ANGPT2: variants seen among roughly 807,000 people sequenced by gnomAD.
The protein encoded by ANGPT2 is angiopoietin 2.
ANGPT2 carries 28 observed loss-of-function variants against 62.9 expected under a neutral mutation model. That is an observed-to-expected ratio of 0.44 (90% confidence interval 0.33 to 0.61). The LOEUF (loss-of-function observed/expected upper bound fraction) is 0.61, where lower values mean the gene tolerates loss of function less well. ANGPT2 is among the 20% of genes least tolerant of loss of function. ANGPT2 has a pLI of 0.03. For synonymous variants in ANGPT2, 284 were observed against 207.8 expected, an observed-to-expected ratio of 1.37 and a Z score of -3.15; for missense variants, 727 against 594.9, an observed-to-expected ratio of 1.22 and a Z score of -2.31.
chr8:6,505,333 AGAAAG>A (rs1813247908), intron 8 of ANGPT2, among the ~76,000 whole-genome samples: 1 of 55,080 alleles, frequency 1.8e-5, no homozygotes, highest in Non-Finnish European at 3.1e-5. Flanking sequence ...ATATACATAT[AGAAAG>A]AATATATATA....
At chr8:6,538,977 G>A (rs1821007378) in intron 1 of ANGPT2, among the ~76,000 whole-genome samples, 1 of 152,324 alleles carries the variant, frequency 6.6e-6, no homozygotes, top group Admixed American at 6.5e-5. Context: ...GAGGTCTCCA[G>A]ACAGAAAAGT....
At chr8:6,510,968 C>T (rs1310117836) in intron 7 of ANGPT2, among the ~76,000 whole-genome samples, 2 of 152,194 alleles carry the variant, frequency 1.3e-5, no homozygotes, top group Non-Finnish European at 2.9e-5. Flanking sequence ...ATACTCATCT[C>T]TGTTGGGATT....
Position 6,503,052 on chromosome 8 carries a change from TAA to T in ANGPT2, c.*47_*48del, listed in dbSNP as rs1421089376. On this transcript the variant is annotated 3_prime_UTR_variant, in exon 9 of 9. Transcript: ENST00000629816. Reference sequence around the variant, plus strand: ...GCCGTGACTTTCAGTGCACTGGGCTTAAGTCTTTGAAAATAGTTCGAGACAGT... The same window carrying T: ...GCCGTGACTTTCAGTGCACTGGGCTTGTCTTTGAAAATAGTTCGAGACAGT... 3 of 1,607,984 alleles carry T rather than the reference TAA, an allele frequency of 1.9e-6. No homozygotes were observed. In the East Asian group the frequency reaches 6.7e-5, roughly 36 times the overall value.
Position 6,499,969 on chromosome 8 carries a change from C to G in ANGPT2, c.*3132G>C, listed in dbSNP as rs1811834130. ...GTTTTACGATGGTAAATGCAGTTTGCTGTTCTCAAGAAATTATTATAAACA... is the reference window on the plus strand; with the variant it reads ...GTTTTACGATGGTAAATGCAGTTTGGTGTTCTCAAGAAATTATTATAAACA... On this transcript the variant is annotated 3_prime_UTR_variant, in exon 9 of 9. Transcript: ENST00000629816. 1 of 1,545,054 alleles carries G rather than the reference C, an allele frequency of 6.5e-7. No homozygotes were observed. Among genetic ancestry groups the G allele is most frequent in the Non-Finnish European group, 8.9e-7 (1 of 1,117,760 alleles).
intron 5 of ANGPT2, among the ~76,000 whole-genome samples, chr8:6,517,321 A>G (rs1292378771): frequency 1.3e-5 from 2 of 152,148 alleles, no homozygotes; most frequent in Non-Finnish European, 2.9e-5. Flanking sequence ...ACTTGCTTCA[A>G]CTCTGAGGCA....
At chr8:6,511,284 G>A (rs1456185744) in intron 7 of ANGPT2, among the ~76,000 whole-genome samples, 1 of 133,600 alleles carries the variant, frequency 7.5e-6, no homozygotes, top group Non-Finnish European at 1.7e-5. Context: ...CATTGGTATG[G>A]GTTGATTTTT....
intron 1 of ANGPT2, among the ~76,000 whole-genome samples, chr8:6,542,832 G>T (rs1206476255): frequency 6.6e-6 from 1 of 152,070 alleles, no homozygotes; most frequent in Admixed American, 6.6e-5. Context: ...AATTTACTTG[G>T]TCACAATGAC....
intron 1 of ANGPT2, among the ~76,000 whole-genome samples, chr8:6,544,539 C>T (rs995832849): frequency 5.9e-5 from 9 of 152,134 alleles, no homozygotes; most frequent in East Asian, 5.8e-4. Flanking sequence ...AAGTCATTTT[C>T]GGAGAGAGTT....
At chr8:6,556,972 T>G (rs556458804) in intron 1 of ANGPT2, among the ~76,000 whole-genome samples, 2 of 152,330 alleles carry the variant, frequency 1.3e-5, no homozygotes, top group African/African-American at 4.8e-5. Flanking sequence ...CGATAAATAT[T>G]TTTTGAACAA....
At position 6,563,124 on chromosome 8, in the gene ANGPT2, C is replaced by A; in HGVS notation, c.-190G>T. 1 of 541,192 alleles carries A rather than the reference C, an allele frequency of 1.8e-6. No homozygotes were observed. The highest frequency in any genetic ancestry group is 1.9e-5 in the African/African-American group (1 of 53,194). The allele number at this position is 541,192 out of a possible 1,614,324, so 33.5% of individuals were successfully genotyped here. ...TACTGCTGTGTTCTCTCCAGGCATG[C>A]AGTAAACTGTCAGATTGCAGTGGGA... is the stretch of plus-strand genomic sequence containing the variant. On this transcript the variant is annotated 5_prime_UTR_variant, in exon 1 of 9. Coordinates refer to ENST00000629816, the MANE Select transcript of ANGPT2 (RefSeq NM_001118887.2).
chr8:6,519,714 C>G lies in ANGPT2; in HGVS notation c.927+150G>C, dbSNP rs571237109. The G allele has an allele frequency of 2.3e-4, 210 of 920,570 alleles. 3 individuals carry two copies. The South Asian group carries it at 5.4e-3, about 24-fold the overall frequency. 57.0% of individuals were successfully genotyped at this position (920,570 alleles called of 1,614,324 possible). ...GCACTTAGAGCCCTTGGCAAGCACT[C>G]TAGGCGAGGTAGCTGCCCAGTAACT... On this transcript the variant is annotated intron_variant, in intron 5 of 8. Coordinates refer to ENST00000629816, the MANE Select transcript of ANGPT2 (RefSeq NM_001118887.2).
chr8:6,514,923 T>C (rs1361999415), intron 5 of ANGPT2, 145 bp from the exon 6 acceptor site: 1 of 620,166 alleles, frequency 1.6e-6, no homozygotes, highest in Non-Finnish European at 2.9e-6. Flanking sequence ...ACCATCGGGG[T>C]TGTCTAAGAA....
At chr8:6,539,289 A>G (rs1821084247) in intron 1 of ANGPT2, among the ~76,000 whole-genome samples, 1 of 152,208 alleles carries the variant, frequency 6.6e-6, no homozygotes, top group Non-Finnish European at 1.5e-5. Context: ...TTGAATTTCT[A>G]GAACCTAGAA....
chr8:6,513,985 C>T (rs1815720201), intron 6 of ANGPT2, 141 bp from the exon 7 acceptor site: 1 of 798,466 alleles, frequency 1.3e-6, no homozygotes, highest in African/African-American at 1.8e-5. Context: ...TAGGGTCCTT[C>T]CCAAAGGAAA....
intron 7 of ANGPT2, among the ~76,000 whole-genome samples, chr8:6,510,288 C>A (rs77528473): frequency 0.012 from 1,869 of 152,064 alleles, 38 homozygotes; most frequent in African/African-American, 0.043. Context: ...CACGTTGGGT[C>A]CTCACGTCCT....
chr8:6,518,321 A>G (rs1460404539), intron 5 of ANGPT2, among the ~76,000 whole-genome samples: 1 of 152,240 alleles, frequency 6.6e-6, no homozygotes, highest in Non-Finnish European at 1.5e-5. Flanking sequence ...AAAACCAGAT[A>G]GCAAAAGAGA....
rs1424215107 is a variant in ANGPT2 at position 6,563,220 on chromosome 8, C to T, written c.-286G>A. ...GCAGCTTTCACGGTCCTTTGTTCCT[C>T]TCTCCCCAGATCCTACAGTGTCAGT... On this transcript the variant is annotated 5_prime_UTR_variant, in exon 1 of 9. Coordinates refer to ENST00000629816, the MANE Select transcript of ANGPT2 (RefSeq NM_001118887.2). 1.1e-5 allele frequency: 3 copies of T among 269,940 alleles called. No individual in the cohort carries two copies. The highest frequency in any genetic ancestry group is 6.3e-5 in the African/African-American group (3 of 47,304). 16.7% of individuals were successfully genotyped at this position (269,940 alleles called of 1,614,324 possible). A position where few individuals can be genotyped will look rare whatever the true frequency, so the allele number is the denominator to read the frequency against.
intron 4 of ANGPT2, 114 bp downstream of exon 4, chr8:6,521,064 A>G (rs2515443): frequency 0.06 from 42,440 of 703,824 alleles, 1,542 homozygotes; most frequent in African/African-American, 0.12. Context: ...GATATTTCAT[A>G]TGAAATATAT....
chr8:6,542,730 A>T (rs530094838), intron 1 of ANGPT2, among the ~76,000 whole-genome samples: 1 of 151,930 alleles, frequency 6.6e-6, no homozygotes, highest in African/African-American at 2.4e-5. Context: ...TCTGTGTTAC[A>T]TGGGTTTGCC....
Sources: gnomAD v4.1 joint callset for allele counts (sites outside exome capture counted in the v4.1 genomes callset) on GRCh38, gnomAD v4.1.1 for gene constraint, MANE v1.5 for transcripts, NCBI Gene and HGNC (gene_info 2026-07-23, HGNC 2026-07-21) for gene names.